Variants in TES observed in about 807,000 individuals in gnomAD.
TES encodes testin.
A neutral mutation model predicts 48.2 loss-of-function variants in TES; 41 were observed. The observed-to-expected ratio is 0.85, with a 90% confidence interval of 0.66 to 1.10. The LOEUF (loss-of-function observed/expected upper bound fraction) is 1.10. Among genes scored for constraint, TES ranks in the 50% least tolerant of loss-of-function variants. The probability of loss-of-function intolerance (pLI) is 0.00; values close to 1 mark genes in which losing one functional copy is unlikely to be tolerated. For missense variants in TES, 463 were observed against 515.1 expected (o/e 0.90, Z 0.98); for synonymous variants, 162 against 174.9 (o/e 0.93, Z 0.58).
chr7:116,248,645 T>G (rs1239148219), intron 2 of TES, among the ~76,000 whole-genome samples: 1 of 152,164 alleles, frequency 6.6e-6, no homozygotes. Context: ...GTCTTTTGCT[T>G]GTTGAATTGT....
intron 1 of TES, among the ~76,000 whole-genome samples, chr7:116,230,210 C>T (rs772931689): frequency 4.7e-4 from 71 of 152,274 alleles, no homozygotes; most frequent in Non-Finnish European, 9.6e-4. Flanking sequence ...TATCATATTG[C>T]CGTGACCCAT....
intron 1 of TES, chr7:116,217,729 T>C (rs1201350725): frequency 2.0e-6 from 1 of 512,028 alleles, no homozygotes; most frequent in African/African-American, 1.9e-5. Flanking sequence ...TGAGTAAATA[T>C]CCATGTTTAA....
At chr7:116,219,253 G>A (rs778672188) in intron 1 of TES, among the ~76,000 whole-genome samples, 3 of 152,140 alleles carry the variant, frequency 2.0e-5, no homozygotes, top group Non-Finnish European at 4.4e-5. Flanking sequence ...GACATTTTCA[G>A]TTTTGTCTCT....
At position 116,227,676 on chromosome 7, in the gene TES, T is replaced by TATATGTGTGTGTATATATACATGC. The variant is rs541394648; in HGVS notation, c.28-6839_28-6816dup. Among the ~76,000 whole-genome samples the TATATGTGTGTGTATATATACATGC allele has an allele frequency of 3.2e-4, 48 of 152,272 alleles. 1 individual carries two copies. In the South Asian group the frequency reaches 8.5e-3, roughly 27 times the overall value. ...TGCTTCTTTAGGAGTGTAATATGAA[T>TATATGTGTGTGTATATATACATGC]ATATGTGTGTGTATATATACATGCA... On this transcript the variant is annotated intron_variant, in intron 1 of 6. Coordinates refer to ENST00000358204, the MANE Select transcript of TES (RefSeq NM_015641.4).
intron 6 of TES, among the ~76,000 whole-genome samples, chr7:116,254,366 T>C (rs1800062999): frequency 6.6e-6 from 1 of 152,174 alleles, no homozygotes; most frequent in Non-Finnish European, 1.5e-5. Context: ...ACATTGTTTC[T>C]AATCAATGGC....
At chr7:116,239,290 A>G (rs568930716) in intron 2 of TES, 3 of 152,292 alleles carry the variant, frequency 2.0e-5, no homozygotes, top group African/African-American at 7.2e-5. Context: ...AAGGGCTCAC[A>G]TGATTAGAGT....
intron 6 of TES, among the ~76,000 whole-genome samples, chr7:116,255,586 T>A (rs978041766): frequency 5.9e-5 from 9 of 152,218 alleles, no homozygotes; most frequent in African/African-American, 2.2e-4. Context: ...TAATTGAACA[T>A]TAGTTATCTC....
chr7:116,225,975 T>G (rs1799616337), intron 1 of TES, among the ~76,000 whole-genome samples: 1 of 152,206 alleles, frequency 6.6e-6, no homozygotes, highest in African/African-American at 2.4e-5. Context: ...CAGACTCTCA[T>G]AAGATTGTTA....
intron 2 of TES, chr7:116,237,931 G>A (rs1799795108): frequency 6.6e-6 from 1 of 152,116 alleles, no homozygotes; most frequent in African/African-American, 2.4e-5. Flanking sequence ...CGTTCACCTT[G>A]TGACATCTTT....
Position 116,210,758 on chromosome 7 carries a change from G to A in TES, c.27+24G>A, listed in dbSNP as rs201271011. ...AGGTAGGGGGGCGCTCGTGGCGGGC[G>A]GCGGCTGCTTCACCTGCGCGGGTCG... On this transcript the variant is annotated intron_variant, in intron 1 of 6. Coordinates refer to ENST00000358204, the MANE Select transcript of TES (RefSeq NM_015641.4). The A allele has an allele frequency of 1.3e-4, 159 of 1,239,162 alleles. 2 individuals are homozygous for A. The East Asian group carries it at 4.8e-3, about 37-fold the overall frequency. The allele number at this position is 1,239,162 out of a possible 1,614,324, so 76.8% of individuals were successfully genotyped here. A position where few individuals can be genotyped will look rare whatever the true frequency, so the allele number is the denominator to read the frequency against.
At chr7:116,254,124 C>T (rs1800058868) in intron 6 of TES, among the ~76,000 whole-genome samples, 1 of 152,124 alleles carries the variant, frequency 6.6e-6, no homozygotes, top group South Asian at 2.1e-4. Context: ...AATATTGTTG[C>T]AACAGTTTTT....
chr7:116,217,778 G>T lies in TES; in HGVS notation c.27+7044G>T, dbSNP rs984244917. On this transcript the variant is annotated intron_variant, in intron 1 of 6. Transcript: ENST00000358204. ...CACTATTAGAGGATTAAATTTAGAG[G>T]TTATGCTTTTCAACTGCCCAACTAC... The T allele has an allele frequency of 1.5e-5, 8 of 518,242 alleles. No individual in the cohort carries two copies. In the Admixed American group the frequency reaches 1.6e-4, roughly 10 times the overall value. 32.1% of individuals were successfully genotyped at this position (518,242 alleles called of 1,614,324 possible). A position where few individuals can be genotyped will look rare whatever the true frequency, so the allele number is the denominator to read the frequency against.
chr7:116,239,456 T>C (rs1799815190), intron 2 of TES, among the ~76,000 whole-genome samples: 1 of 152,230 alleles, frequency 6.6e-6, no homozygotes. Flanking sequence ...ATTTATTTTA[T>C]TATGTATGAG....
At chr7:116,245,141 C>T (rs1043828635) in intron 2 of TES, among the ~76,000 whole-genome samples, 13 of 152,184 alleles carry the variant, frequency 8.5e-5, no homozygotes, top group East Asian at 1.9e-4. Flanking sequence ...GATTAACATC[C>T]GGGCACCTTG....
intron 1 of TES, among the ~76,000 whole-genome samples, chr7:116,215,821 G>A (rs893197325): frequency 2.6e-5 from 4 of 152,120 alleles, no homozygotes; most frequent in Non-Finnish European, 5.9e-5. Flanking sequence ...TTCCCTTGTA[G>A]CAAAGTGTTC....
intron 6 of TES, among the ~76,000 whole-genome samples, chr7:116,254,277 AG>A: frequency 6.6e-6 from 1 of 152,084 alleles, no homozygotes; most frequent in East Asian, 1.9e-4. Context: ...AGGACAACAT[AG>A]GTGCTCAATA....
intron 2 of TES, among the ~76,000 whole-genome samples, chr7:116,241,684 T>G (rs1419265043): frequency 1.5e-5 from 2 of 135,714 alleles, no homozygotes; most frequent in African/African-American, 5.8e-5. Flanking sequence ...TAGTATGACT[T>G]CTTAGGTATT....
intron 1 of TES, among the ~76,000 whole-genome samples, chr7:116,215,230 A>G (rs1379161051): frequency 6.6e-6 from 1 of 152,178 alleles, no homozygotes; most frequent in African/African-American, 2.4e-5. Context: ...CATCATGCCA[A>G]CTAGGCCGAG....
chr7:116,223,943 C>G lies in TES; in HGVS notation c.28-10591C>G, dbSNP rs572962676. ...ACTCCCACCTACTAGTAGTCACACC[C>G]TTACATATTGCCCTGCCATTGAATG... On this transcript the variant is annotated intron_variant, in intron 1 of 6. Transcript: ENST00000358204. Among the ~76,000 whole-genome samples, 4 of 152,332 alleles carry G rather than the reference C, an allele frequency of 2.6e-5. No individual in the cohort carries two copies. The East Asian group carries it at 7.7e-4, about 29-fold the overall frequency.
Sources: allele counts gnomAD v4.1 joint callset (sites outside exome capture counted in the v4.1 genomes callset), GRCh38; gene constraint gnomAD v4.1.1; transcripts MANE v1.5; gene names NCBI Gene and HGNC (gene_info 2026-07-23, HGNC 2026-07-21).